Variants in RAF1 observed in about 807,000 individuals in gnomAD.
RAF1 encodes the protein Raf-1 proto-oncogene, serine/threonine kinase.
RAF1 carries 27 observed loss-of-function variants against 81.1 expected under a neutral mutation model. The ratio of observed to expected loss-of-function variants is 0.33; its 90% CI spans 0.25 to 0.46. RAF1 has a LOEUF of 0.46. Ranked by LOEUF, RAF1 falls within the 20% of genes least tolerant of loss-of-function variation. The pLI is 1.00. For synonymous variants in RAF1, 298 were observed against 294.0 expected (o/e 1.01, Z -0.14); for missense variants, 598 against 826.0 (o/e 0.72, Z 3.38).
At chr3:12,662,838 AT>A (rs2060922067) in intron 1 of RAF1, among the ~76,000 whole-genome samples, 1 of 152,108 alleles carries the variant, frequency 6.6e-6, no homozygotes, top group African/African-American at 2.4e-5. Context: ...GCCAATTCTT[AT>A]CACACTGCAT....
At chr3:12,632,870 T>A (rs899574334) in intron 1 of RAF1, among the ~76,000 whole-genome samples, 1 of 152,232 alleles carries the variant, frequency 6.6e-6, no homozygotes, top group African/African-American at 2.4e-5. Context: ...AGTCCCAGGC[T>A]TATATTCCTG....
chr3:12,584,465 G>C lies in RAF1; in HGVS notation c.*49C>G, dbSNP rs772843443. ...GAAAGGGAGCAGAAAAGTGGTGCCT[G>C]CTGGCTTCTCCTCCTCCCCTGGCAG... On this transcript the variant is annotated 3_prime_UTR_variant, in exon 18 of 18. Transcript: ENST00000442415. The C allele has an allele frequency of 4.3e-6, 7 of 1,612,028 alleles. No individual in the cohort carries two copies. Among genetic ancestry groups the C allele is most frequent in the Admixed American group, 1.7e-5 (1 of 60,018 alleles).
chr3:12,645,955 A>G (rs1398929868), intron 1 of RAF1, among the ~76,000 whole-genome samples: 1 of 152,204 alleles, frequency 6.6e-6, no homozygotes, highest in Non-Finnish European at 1.5e-5. Flanking sequence ...GACTGTATAT[A>G]CCATGTCTTA....
intron 1 of RAF1, among the ~76,000 whole-genome samples, chr3:12,658,548 G>A (rs1165798722): frequency 6.6e-6 from 1 of 152,116 alleles, no homozygotes; most frequent in African/African-American, 2.4e-5. Context: ...GCTGTGGTGA[G>A]GAAAGATCAT....
intron 11 of RAF1, among the ~76,000 whole-genome samples, chr3:12,594,502 T>C (rs1237644184): frequency 6.6e-6 from 1 of 152,180 alleles, no homozygotes; most frequent in Non-Finnish European, 1.5e-5. Flanking sequence ...AACCCACCCT[T>C]TGGTGTCACC....
At chr3:12,617,525 T>C (rs2059407350) in intron 2 of RAF1, among the ~76,000 whole-genome samples, 2 of 152,232 alleles carry the variant, frequency 1.3e-5, no homozygotes, top group Non-Finnish European at 2.9e-5. Context: ...AGTGCTGGGA[T>C]TACAGGTATA....
At chr3:12,585,619 A>C in intron 15 of RAF1, 62 bp downstream of exon 14, 1 of 1,458,492 alleles carries the variant, frequency 6.9e-7, no homozygotes. Context: ...TTTGCACATA[A>C]ATCTCCAAGG....
rs960984572 is a variant in RAF1, at chr3:12,663,818, G to A, written c.-32C>T. ...GACCCGGTCCTGCCACCTACCTGAG[G>A]GAGCCAGGCCGCCCCAACGTCCTGT... On this transcript the variant is annotated 5_prime_UTR_variant, in exon 1 of 18. Coordinates refer to ENST00000442415, the MANE Select transcript of RAF1 (RefSeq NM_001354689.3). 7 of 397,346 alleles carry A rather than the reference G, an allele frequency of 1.8e-5. No individual in the cohort carries two copies. The highest frequency in any genetic ancestry group is 1.0e-4 in the African/African-American group (5 of 48,594). 24.6% of individuals were successfully genotyped at this position (397,346 alleles called of 1,614,324 possible).
At chr3:12,617,882 AAAAAAAAAAAG>A (rs1053148622) in intron 2 of RAF1, among the ~76,000 whole-genome samples, 9 of 146,974 alleles carry the variant, frequency 6.1e-5, no homozygotes, top group Non-Finnish European at 1.0e-4. Context: ...CCGTCTCAAA[AAAAAAAAAAAG>A]AAAAGAAAAA....
chr3:12,617,764 G>A (rs2059418913), intron 2 of RAF1, among the ~76,000 whole-genome samples: 2 of 151,632 alleles, frequency 1.3e-5, no homozygotes, highest in East Asian at 2.0e-4. Flanking sequence ...GTGGCGGTGT[G>A]TGCCTGTAGT....
intron 1 of RAF1, 60 bp downstream of exon 1, chr3:12,663,753 C>A: frequency 2.5e-6 from 1 of 395,728 alleles, no homozygotes; most frequent in Admixed American, 4.4e-5. Flanking sequence ...CCCTGGAAGC[C>A]GATCCCTCAG....
chr3:12,584,414 C>T lies in RAF1; in HGVS notation c.*100G>A, dbSNP rs3730298. On this transcript the variant is annotated 3_prime_UTR_variant, in exon 18 of 18. Transcript: ENST00000442415. ...TAGAAGGTCCTTAGCAGCAGCTTCT[C>T]TGAAAACATGTGTTCTGCCTCTGGA... is the stretch of plus-strand genomic sequence containing the variant. The T allele has an allele frequency of 7.3e-5, 110 of 1,503,998 alleles. 1 individual carries two copies. In the African/African-American group the frequency reaches 1.4e-3, roughly 19 times the overall value. The allele number at this position is 1,503,998 out of a possible 1,614,324, so 93.2% of individuals were successfully genotyped here. A position where few individuals can be genotyped will look rare whatever the true frequency, so the allele number is the denominator to read the frequency against.
chr3:12,662,549 A>G (rs1041314952), intron 1 of RAF1, among the ~76,000 whole-genome samples: 1 of 151,984 alleles, frequency 6.6e-6, no homozygotes, highest in African/African-American at 2.4e-5. Flanking sequence ...TATCTACAAC[A>G]AAGACAGCCC....
chr3:12,636,075 C>T (rs552613190), intron 1 of RAF1, among the ~76,000 whole-genome samples: 2 of 151,960 alleles, frequency 1.3e-5, no homozygotes, highest in South Asian at 4.2e-4. Context: ...CACTTGAGGT[C>T]AGGGGTTCCA....
chr3:12,622,579 C>T (rs2059586441), intron 1 of RAF1, among the ~76,000 whole-genome samples: 1 of 152,132 alleles, frequency 6.6e-6, no homozygotes, highest in African/African-American at 2.4e-5. Flanking sequence ...CCACACTAGC[C>T]AAAATAGCCT....
At chr3:12,601,863 G>A (rs1387322368) in intron 8 of RAF1, among the ~76,000 whole-genome samples, 1 of 152,136 alleles carries the variant, frequency 6.6e-6, no homozygotes, top group Admixed American at 6.5e-5. Flanking sequence ...ACGATTGACT[G>A]AGCATGTTTT....
chr3:12,651,106 C>T (rs1170398988), intron 1 of RAF1, among the ~76,000 whole-genome samples: 1 of 152,144 alleles, frequency 6.6e-6, no homozygotes, highest in East Asian at 1.9e-4. Context: ...TTTACAAAGG[C>T]ACTCATTATA....
At chr3:12,593,556 G>C (rs2058589818) in intron 11 of RAF1, among the ~76,000 whole-genome samples, 1 of 152,136 alleles carries the variant, frequency 6.6e-6, no homozygotes, top group African/African-American at 2.4e-5. Context: ...GTTTGCCATG[G>C]GCTGCCGGTG....
chr3:12,607,949 CAAA>C (rs58308841), intron 5 of RAF1, among the ~76,000 whole-genome samples: 13,404 of 67,248 alleles, frequency 0.2, 468 homozygotes, highest in Middle Eastern at 0.29. Context: ...GACTTGTCTC[CAAA>C]AAAAAAAAAA....
Sources: gnomAD v4.1 joint callset for allele counts (sites outside exome capture counted in the v4.1 genomes callset) on GRCh38, gnomAD v4.1.1 for gene constraint, MANE v1.5 for transcripts, NCBI Gene and HGNC (gene_info 2026-07-23, HGNC 2026-07-21) for gene names.